TOX3: variants seen among roughly 807,000 people sequenced by gnomAD.
TOX3 encodes TOX high mobility group box family member 3.
In TOX3, 22 loss-of-function variants were observed where a neutral mutation model predicts 64.3. That is an observed-to-expected ratio of 0.34 (90% CI 0.24 to 0.49). The LOEUF (loss-of-function observed/expected upper bound fraction) is 0.49. Among genes scored for constraint, TOX3 ranks in the 20% least tolerant of loss-of-function variants. The pLI, the probability that TOX3 is intolerant of heterozygous loss-of-function variation, is 0.99. For synonymous variants in TOX3, 291 were observed against 273.6 expected (o/e 1.06, Z -0.63); for missense variants, 661 against 714.4 (o/e 0.93, Z 0.85).
Position 52,438,027 on chromosome 16 carries a change from T to C in TOX3, c.*1198A>G, listed in dbSNP as rs550977473. ...AAATGAAATCTGACATATCATTTTA[T>C]TTGAAAAGTGAACAGTTTCTTTGTT... On this transcript the variant is annotated 3_prime_UTR_variant, in exon 7 of 7. Coordinates refer to ENST00000219746, the MANE Select transcript of TOX3 (RefSeq NM_001080430.4). The C allele has an allele frequency of 6.5e-6, 1 of 152,798 alleles. No homozygotes were observed. The highest frequency in any genetic ancestry group is 1.9e-4 in the East Asian group (1 of 5,186). The allele number at this position is 152,798 out of a possible 1,614,324, so 9.5% of individuals were successfully genotyped here. A position where few individuals can be genotyped will look rare whatever the true frequency, so the allele number is the denominator to read the frequency against.
At chr16:52,474,020 C>T (rs1299138640) in intron 1 of TOX3, among the ~76,000 whole-genome samples, 8 of 152,180 alleles carry the variant, frequency 5.3e-5, no homozygotes, top group Non-Finnish European at 1.0e-4. Context: ...GCACCACACT[C>T]GTACATCCAA....
chr16:52,536,647 A>G (rs1441924793), intron 1 of TOX3, among the ~76,000 whole-genome samples: 1 of 109,932 alleles, frequency 9.1e-6, no homozygotes, highest in African/African-American at 4.0e-5. Context: ...ATATATATAT[A>G]TATATATATA....
chr16:52,460,636 C>A (rs1960660237), intron 3 of TOX3, among the ~76,000 whole-genome samples: 1 of 152,140 alleles, frequency 6.6e-6, no homozygotes, highest in Non-Finnish European at 1.5e-5. Flanking sequence ...TGCACATACT[C>A]CTGTCCTGTC....
At chr16:52,478,803 C>A (rs886657341) in intron 1 of TOX3, among the ~76,000 whole-genome samples, 1 of 152,032 alleles carries the variant, frequency 6.6e-6, no homozygotes, top group Non-Finnish European at 1.5e-5. Flanking sequence ...CTATATGGGA[C>A]TGGGCTTTGC....
At chr16:52,532,419 G>A (rs764320709) in intron 1 of TOX3, among the ~76,000 whole-genome samples, 20 of 152,278 alleles carry the variant, frequency 1.3e-4, no homozygotes, top group East Asian at 1.2e-3. Context: ...CCAGGCTGGC[G>A]TGCTGGAGGT....
At chr16:52,463,534 G>T (rs184645967) in intron 3 of TOX3, among the ~76,000 whole-genome samples, 1 of 152,058 alleles carries the variant, frequency 6.6e-6, no homozygotes, top group South Asian at 2.1e-4. Flanking sequence ...ATCGTGTATC[G>T]TAAGCATTAT....
intron 1 of TOX3, among the ~76,000 whole-genome samples, chr16:52,518,582 C>T (rs973647497): frequency 4.6e-5 from 7 of 152,270 alleles, no homozygotes; most frequent in East Asian, 1.9e-4. Flanking sequence ...TGGTATCCAT[C>T]CTAGTACAGC....
chr16:52,535,801 C>A (rs1436399900), intron 1 of TOX3, among the ~76,000 whole-genome samples: 3 of 152,180 alleles, frequency 2.0e-5, no homozygotes, highest in Non-Finnish European at 4.4e-5. Context: ...AAATCCACCA[C>A]CAAGTCAGCT....
chr16:52,518,348 T>C (rs1962510949), intron 1 of TOX3, among the ~76,000 whole-genome samples: 1 of 152,196 alleles, frequency 6.6e-6, no homozygotes, highest in Admixed American at 6.6e-5. Flanking sequence ...AATTTGATCC[T>C]GTTTAAATTT....
At chr16:52,446,339 T>C (rs771170368) in intron 4 of TOX3, 118 bp from the exon 5 acceptor site, 25 of 1,055,406 alleles carry the variant, frequency 2.4e-5, no homozygotes, top group Non-Finnish European at 3.1e-5. Context: ...AACAGATGAA[T>C]CACCACCAAA....
At chr16:52,517,041 A>G (rs1326593180) in intron 1 of TOX3, among the ~76,000 whole-genome samples, 1 of 151,966 alleles carries the variant, frequency 6.6e-6, no homozygotes, top group Admixed American at 6.6e-5. Context: ...TAAAGTATGC[A>G]TAAACAGTGA....
chr16:52,451,149 A>G (rs79602005), intron 3 of TOX3, among the ~76,000 whole-genome samples: 2,676 of 152,260 alleles, frequency 0.018, 79 homozygotes, highest in African/African-American at 0.061. Context: ...TTTCTGTGAA[A>G]TCCTCTGTGG....
intron 1 of TOX3, among the ~76,000 whole-genome samples, chr16:52,511,692 A>G (rs958306009): frequency 4.6e-5 from 7 of 152,212 alleles, no homozygotes; most frequent in African/African-American, 1.7e-4. Context: ...GACAGAATGA[A>G]TGCAGAGAAT....
chr16:52,458,716 A>C (rs1382433257), intron 3 of TOX3, among the ~76,000 whole-genome samples: 1 of 152,230 alleles, frequency 6.6e-6, no homozygotes, highest in Non-Finnish European at 1.5e-5. Context: ...AGCCCTAAAG[A>C]CAATTCCTAT....
chr16:52,508,489 C>G lies in TOX3; in HGVS notation c.87+38148G>C, dbSNP rs899495072. On this transcript the variant is annotated intron_variant, in intron 1 of 6. Transcript: ENST00000219746. The stretch of plus-strand genomic sequence containing the variant: ...ACCAAAAGAAAGACACCTGCATCCA[C>G]TTAGAAGAATATTACAAAACTAATA... Among the ~76,000 whole-genome samples the G allele has an allele frequency of 1.4e-4, 21 of 152,218 alleles. No individual in the cohort carries two copies. In the East Asian group the frequency reaches 4.1e-3, roughly 29 times the overall value.
intron 1 of TOX3, among the ~76,000 whole-genome samples, chr16:52,476,779 T>G (rs1961220269): frequency 6.6e-6 from 1 of 152,142 alleles, no homozygotes; most frequent in East Asian, 1.9e-4. Context: ...GTGGAATATA[T>G]TATCTACTTC....
At chr16:52,475,838 G>A (rs1205399621) in intron 1 of TOX3, among the ~76,000 whole-genome samples, 8 of 152,040 alleles carry the variant, frequency 5.3e-5, no homozygotes, top group Admixed American at 1.3e-4. Flanking sequence ...CGCATTACCC[G>A]CTCCCCACTC....
rs529584740 is a variant in TOX3 at position 52,456,512 on chromosome 16, G to A, written c.409-5966C>T. ...TTCTGGTTTCTGTATGCCTTGGTGG[G>A]GGTAGGGGAGTGCCTGGCGGAGGCT... On this transcript the variant is annotated intron_variant, in intron 3 of 6. Coordinates refer to ENST00000219746, the MANE Select transcript of TOX3 (RefSeq NM_001080430.4). Among the ~76,000 whole-genome samples, 4 of 152,266 alleles carry A rather than the reference G, an allele frequency of 2.6e-5. No homozygotes were observed. In the South Asian group the frequency reaches 8.3e-4, roughly 32 times the overall value.
chr16:52,437,274 T>C lies in TOX3; in HGVS notation c.*1951A>G, dbSNP rs1161234511. 6.6e-6 allele frequency: 1 copy of C among 152,230 alleles called. No homozygotes were observed. Among genetic ancestry groups the C allele is most frequent in the Non-Finnish European group, 1.5e-5 (1 of 68,042 alleles). 9.4% of individuals were successfully genotyped at this position (152,230 alleles called of 1,614,324 possible). ...AGAGTAGGAGAGGATTATGAAATATTGAAAGCTGAATTCATTATTCATAAC... is the reference window on the plus strand; with the variant it reads ...AGAGTAGGAGAGGATTATGAAATATCGAAAGCTGAATTCATTATTCATAAC... On this transcript the variant is annotated 3_prime_UTR_variant, in exon 7 of 7. Transcript: ENST00000219746.
Sources: allele counts gnomAD v4.1 joint callset (sites outside exome capture counted in the v4.1 genomes callset), GRCh38; gene constraint gnomAD v4.1.1; transcripts MANE v1.5; gene names NCBI Gene and HGNC (gene_info 2026-07-23, HGNC 2026-07-21).